Variants in MTCH2 observed in about 807,000 individuals in gnomAD.
The protein encoded by MTCH2 is mitochondrial carrier 2, also known as mitochondrial carrier homolog 2.
MTCH2 carries 25 observed loss-of-function variants against 50.6 expected under a neutral mutation model. The ratio of observed to expected loss-of-function variants is 0.49; its 90% CI spans 0.36 to 0.69. The LOEUF (loss-of-function observed/expected upper bound fraction) is 0.69, where lower values mean the gene tolerates loss of function less well. Among genes scored for constraint, MTCH2 ranks in the 30% least tolerant of loss-of-function variants. The pLI is 0.00. For synonymous variants in MTCH2, 106 were observed against 132.0 expected (o/e 0.80, Z 1.35); for missense variants, 273 against 384.4 (o/e 0.71, Z 2.42).
chr11:47,616,278 AG>A (rs2153797752), downstream of MTCH2, among the ~76,000 whole-genome samples: 1 of 152,312 alleles, frequency 6.6e-6, no homozygotes, highest in East Asian at 1.9e-4. Flanking sequence ...CATACTCTAG[AG>A]GAACAGTTTG....
chr11:47,642,363 C>G lies in MTCH2; in HGVS notation c.87+16G>C. The G allele has an allele frequency of 7.1e-7, 1 of 1,402,670 alleles. No homozygotes were observed. Among genetic ancestry groups the G allele is most frequent in the Non-Finnish European group, 9.3e-7 (1 of 1,078,986 alleles). The allele number at this position is 1,402,670 out of a possible 1,614,324, so 86.9% of individuals were successfully genotyped here. A position where few individuals can be genotyped will look rare whatever the true frequency, so the allele number is the denominator to read the frequency against. On this transcript the variant is annotated intron_variant, in intron 1 of 12. Coordinates refer to ENST00000302503, the MANE Select transcript of MTCH2 (RefSeq NM_014342.4). ...ACGGGGCGCCGGGCGGGGTAGGGAG[C>G]GGCGACGCCTCATACCTGGATGAGC...
rs1474005273 is a variant in MTCH2 at position 47,642,535 on chromosome 11, A to T, written c.-70T>A. The T allele has an allele frequency of 7.0e-7, 1 of 1,425,312 alleles. No homozygotes were observed. The highest frequency in any genetic ancestry group is 2.7e-5 in the East Asian group (1 of 36,516). The allele number at this position is 1,425,312 out of a possible 1,614,324, so 88.3% of individuals were successfully genotyped here. Reference sequence around the variant, plus strand: ...CGACCCGGTGAGCCGGTCCTAGGTCACGTGCCAGGGCCGCCGGTTTCACTG... The same window carrying T: ...CGACCCGGTGAGCCGGTCCTAGGTCTCGTGCCAGGGCCGCCGGTTTCACTG... On this transcript the variant is annotated 5_prime_UTR_variant, in exon 1 of 13. Coordinates refer to ENST00000302503, the MANE Select transcript of MTCH2 (RefSeq NM_014342.4).
the MTCH2 span, among the ~76,000 whole-genome samples, chr11:47,611,397 G>A: frequency 6.6e-6 from 1 of 152,238 alleles, no homozygotes; most frequent in Non-Finnish European, 1.5e-5. Flanking sequence ...AGAAGGGCAG[G>A]GCCCCGGCTA....
Position 47,639,002 on chromosome 11 carries a change from C to T in MTCH2, c.137G>A (p.Arg46Gln), listed in dbSNP as rs767552749. ...GAGACCAGGAAGCTGACACACTTGC[C>T]GCCCAAAAATATTTCGTCCTATTGT... ...PPTIGRNIFG[R>Q]QVCQLPGLFS... Residue 46 changes from arginine to glutamine, a missense_variant, in exon 2 of 13, where the codon CGG becomes CAG. By Grantham distance (43) the Arg-to-Gln change is conservative (BLOSUM62 1). This residue lies in a region of MTCH2 where 203 missense variants were observed against 244.3 expected (regional missense o/e 0.83). Coordinates refer to ENST00000302503, the MANE Select transcript of MTCH2 (RefSeq NM_014342.4). The T allele has an allele frequency of 8.7e-6, 14 of 1,604,060 alleles. No individual in the cohort carries two copies. The highest frequency in any genetic ancestry group is 4.2e-5 in the African/African-American group (3 of 72,156).
At chr11:47,641,148 C>A (rs758201224) in intron 1 of MTCH2, among the ~76,000 whole-genome samples, 23 of 152,096 alleles carry the variant, frequency 1.5e-4, no homozygotes, top group Non-Finnish European at 2.5e-4. Context: ...CTCACCTCGG[C>A]CTCCCAAAGT....
intron 10 of MTCH2, 39 bp from the exon 11 acceptor site, chr11:47,625,780 C>T (rs767632456): frequency 1.3e-6 from 2 of 1,528,520 alleles, no homozygotes; most frequent in Non-Finnish European, 1.8e-6. Flanking sequence ...TTAGATCATT[C>T]CTAGTCTTTA....
downstream of MTCH2, among the ~76,000 whole-genome samples, chr11:47,613,703 C>T (rs1231447840): frequency 7.3e-6 from 1 of 136,368 alleles, no homozygotes; most frequent in Admixed American, 8.0e-5. Flanking sequence ...ATCTGTCTTT[C>T]CTTATTTAAG....
chr11:47,642,418 G>A lies in MTCH2; in HGVS notation c.48C>T (p.Ile16=). ...TCACGTACATGAGCGGCTGGGACAG[G>A]ATGGTGAGACCGGAGCCCAGGAGCA... ...SQVLLGSGLT[I]LSQPLMYVKV... is the part of the protein sequence containing the mutation. The change falls in exon 1 of 13, where the codon ATC becomes ATT. Residue 16 remains isoleucine (I), a synonymous_variant. Transcript: ENST00000302503. The A allele has an allele frequency of 1.2e-6, 2 of 1,609,820 alleles. No individual in the cohort carries two copies. Among genetic ancestry groups the A allele is most frequent in the Non-Finnish European group, 1.7e-6 (2 of 1,178,404 alleles).
At chr11:47,609,514 C>CT in the MTCH2 span, among the ~76,000 whole-genome samples, 2 of 135,058 alleles carry the variant, frequency 1.5e-5, no homozygotes, top group Admixed American at 1.6e-4. Flanking sequence ...ATAATCCCAG[C>CT]TACTAGGGAG....
In MTCH2 at chr11:47,631,137, G is replaced by A. The variant is rs201879266; in HGVS notation, c.428-50C>T. 5.3e-5 allele frequency: 80 copies of A among 1,498,548 alleles called. No individual in the cohort carries two copies. The African/African-American group carries it at 8.0e-4, about 15-fold the overall frequency. 92.8% of individuals were successfully genotyped at this position (1,498,548 alleles called of 1,614,324 possible). On this transcript the variant is annotated intron_variant, in intron 6 of 12. Coordinates refer to ENST00000302503, the MANE Select transcript of MTCH2 (RefSeq NM_014342.4). ...TTACAACTATGTTAAGGCCAGGTGC[G>A]GTGGCTCACACCTGTAATCCCAGCA...
intron 8 of MTCH2, 69 bp from the exon 9 acceptor site, chr11:47,629,115 A>C (rs2097300703): frequency 3.8e-6 from 5 of 1,304,208 alleles, no homozygotes; most frequent in African/African-American, 1.5e-5. Context: ...TCTTCAGTAC[A>C]AATGTTTGTC....
At chr11:47,639,198 T>A (rs2097311713) in intron 1 of MTCH2, 147 bp from the exon 2 acceptor site, 3 of 684,338 alleles carry the variant, frequency 4.4e-6, no homozygotes, top group South Asian at 2.0e-5. Context: ...TGATGAAGCA[T>A]CATTCTTGTA....
chr11:47,639,084 G>A (rs1317226247), intron 1 of MTCH2, 33 bp from the exon 2 acceptor site: 1 of 1,524,930 alleles, frequency 6.6e-7, no homozygotes, highest in Non-Finnish European at 8.9e-7. Context: ...CAATATTAAA[G>A]CAATATTTCC....
chr11:47,637,174 G>A (rs1471171382), intron 3 of MTCH2, among the ~76,000 whole-genome samples: 1 of 152,078 alleles, frequency 6.6e-6, no homozygotes, highest in African/African-American at 2.4e-5. Flanking sequence ...ATTTTTAGTA[G>A]AGACAGTGTT....
At position 47,631,655 on chromosome 11, in the gene MTCH2, A is replaced by G; in HGVS notation, c.426T>C (p.His142=). 1 of 1,614,058 alleles carries G rather than the reference A, an allele frequency of 6.2e-7. No individual in the cohort carries two copies. The highest frequency in any genetic ancestry group is 1.3e-5 in the African/African-American group (1 of 75,060). ...SAATLITHPF[H]VITLRSMVQF... is the part of the protein sequence containing the mutation. Reference sequence around the variant, plus strand: ...GTCAGTTGTCAACTGCAAACATACCATGGAAGGGATGTGTGATGAGGGTAG... The same window carrying G: ...GTCAGTTGTCAACTGCAAACATACCGTGGAAGGGATGTGTGATGAGGGTAG... The change falls in exon 6 of 13, where the codon CAT becomes CAC. Residue 142 remains histidine (H), a splice_region_variant and synonymous_variant. Transcript: ENST00000302503.
rs558556021 is a variant in MTCH2 at position 47,635,549 on chromosome 11, C to T, written c.302G>A (p.Gly101Asp). 1.8e-5 allele frequency: 29 copies of T among 1,613,590 alleles called. No individual in the cohort carries two copies. The South Asian group carries it at 3.2e-4, about 18-fold the overall frequency. Reference sequence around the variant, plus strand: ...TAGAAATCAGCTCCAACATACCTCACCCTTGTCACTCTCCTGGTAATGCTA... The same window carrying T: ...TAGAAATCAGCTCCAACATACCTCATCCTTGTCACTCTCCTGGTAATGCTA... ...VLQHYQESDK[G>D]EELGPGNVQK... The change falls in exon 4 of 13, where the codon GGT (glycine) becomes GAT (aspartate). Residue 101 changes from glycine (G) to aspartate (D), a missense_variant. Physicochemically the swap from Gly to Asp is moderately conservative, Grantham distance 94. Coordinates refer to ENST00000302503, the MANE Select transcript of MTCH2 (RefSeq NM_014342.4).
chr11:47,641,497 A>G (rs10838738), intron 1 of MTCH2, among the ~76,000 whole-genome samples: 42,586 of 152,066 alleles, frequency 0.28, 7,004 homozygotes, highest in Middle Eastern at 0.38. Context: ...TCCTAGGCAC[A>G]GTGCATGAGG....
downstream of MTCH2, among the ~76,000 whole-genome samples, chr11:47,616,381 CAG>C (rs2097288424): frequency 6.6e-6 from 1 of 151,924 alleles, no homozygotes. Flanking sequence ...TTTTAAGAGA[CAG>C]AGTCTCACTC....
the MTCH2 span, among the ~76,000 whole-genome samples, chr11:47,606,076 T>C: frequency 6.6e-6 from 1 of 152,240 alleles, no homozygotes; most frequent in Non-Finnish European, 1.5e-5. Context: ...GCAGCTTTCA[T>C]AGCCACATTG....
Sources: gnomAD v4.1 joint callset for allele counts (sites outside exome capture counted in the v4.1 genomes callset) on GRCh38, gnomAD v4.1.1 for gene constraint, gnomAD v4.1.1 regional missense constraint, MANE v1.5 for transcripts, NCBI Gene and HGNC (gene_info 2026-07-23, HGNC 2026-07-21) for gene names.